Variants in MTHFD1L observed in about 807,000 individuals in gnomAD.
MTHFD1L encodes the protein methylenetetrahydrofolate dehydrogenase (NADP+ dependent) 1 like, also known as monofunctional C1-tetrahydrofolate synthase, mitochondrial.
In MTHFD1L, 81 loss-of-function variants were observed where a neutral mutation model predicts 119.5. The observed-to-expected ratio is 0.68, with a 90% CI of 0.57 to 0.82. The LOEUF is 0.82. Among genes scored for constraint, MTHFD1L ranks in the 40% least tolerant of loss-of-function variants. The pLI, the probability that MTHFD1L is intolerant of heterozygous loss-of-function variation, is 0.00. For missense variants in MTHFD1L, 1,125 were observed against 1,253.4 expected (o/e 0.90, Z 1.55); for synonymous variants, 430 against 475.2 (o/e 0.90, Z 1.24).
intron 26 of MTHFD1L, among the ~76,000 whole-genome samples, chr6:151,059,212 G>T (rs1424592926): frequency 1.3e-5 from 2 of 149,014 alleles, no homozygotes; most frequent in Non-Finnish European, 3.0e-5. Flanking sequence ...TGGTGGTGGT[G>T]GTTGTGGTGG....
intron 27 of MTHFD1L, chr6:151,100,059 A>G: frequency 5.1e-6 from 3 of 589,588 alleles, no homozygotes; most frequent in Non-Finnish European, 8.7e-6. Flanking sequence ...TTTGAGACGC[A>G]GTCTCGCTCT....
chr6:150,918,467 C>T, intron 8 of MTHFD1L, 110 bp from the exon 9 acceptor site: 3 of 810,606 alleles, frequency 3.7e-6, no homozygotes, highest in Non-Finnish European at 4.2e-6. Flanking sequence ...ATCCTAACTT[C>T]CTTGGTGAAA....
chr6:150,916,295 T>C (rs1248796427), intron 8 of MTHFD1L, among the ~76,000 whole-genome samples: 1 of 116,660 alleles, frequency 8.6e-6, no homozygotes, highest in African/African-American at 3.3e-5. Flanking sequence ...GTAGAATCTT[T>C]TTTTTTTTTT....
intron 20 of MTHFD1L, among the ~76,000 whole-genome samples, chr6:150,985,528 G>A (rs1019903085): frequency 1.3e-5 from 2 of 151,962 alleles, no homozygotes; most frequent in African/African-American, 2.4e-5. Flanking sequence ...GGGCTTGGTA[G>A]CATGCATTTG....
rs1428137125 is a variant in MTHFD1L, at chr6:151,031,990, GTTCT to G, written c.2587-2497_2587-2494del. On this transcript the variant is annotated intron_variant, in intron 24 of 27. Transcript: ENST00000367321. ...CTGCACATGCTGAGTGTCTTTGTGGGTTCTTTCTTCTTTTCCGTTGATTAATTTG... is the reference window on the plus strand; with the variant it reads ...CTGCACATGCTGAGTGTCTTTGTGGGTTCTTCTTTTCCGTTGATTAATTTG... 3.3e-5 allele frequency among the ~76,000 whole-genome samples: 5 copies of G among 152,248 alleles called. No homozygotes were observed. The East Asian group carries it at 7.7e-4, about 24-fold the overall frequency.
intron 24 of MTHFD1L, among the ~76,000 whole-genome samples, chr6:151,034,268 A>T (rs1200028857): frequency 3.3e-5 from 5 of 152,044 alleles, no homozygotes; most frequent in Non-Finnish European, 1.5e-5. Context: ...CTGAACACCT[A>T]AGACTTATTT....
At chr6:151,042,782 AATTAGACAGTGTT>A (rs1229932145) in intron 26 of MTHFD1L, among the ~76,000 whole-genome samples, 4 of 152,234 alleles carry the variant, frequency 2.6e-5, no homozygotes, top group African/African-American at 4.8e-5. Flanking sequence ...CAAAACCTTA[AATTAGACAGTGTT>A]ATTATGAGTA....
chr6:151,068,843 G>A (rs1196635852), intron 26 of MTHFD1L, among the ~76,000 whole-genome samples: 2 of 152,222 alleles, frequency 1.3e-5, no homozygotes, highest in Non-Finnish European at 2.9e-5. Flanking sequence ...ATTCATTGGA[G>A]GACTCATCAA....
chr6:150,866,688 G>T, intron 1 of MTHFD1L: 1 of 1,161,426 alleles, frequency 8.6e-7, no homozygotes, highest in Non-Finnish European at 1.1e-6. Flanking sequence ...AGGTCTCAGC[G>T]CTGGTTTCCA....
chr6:151,041,628 G>A (rs143434540), intron 26 of MTHFD1L: 26 of 351,032 alleles, frequency 7.4e-5, no homozygotes, highest in East Asian at 3.9e-4. Context: ...CCTACAGCAC[G>A]CAGGGCCATC....
At chr6:151,025,810 C>T (rs1259981991) in intron 24 of MTHFD1L, among the ~76,000 whole-genome samples, 2 of 152,198 alleles carry the variant, frequency 1.3e-5, no homozygotes, top group African/African-American at 2.4e-5. Flanking sequence ...TACTTCACAA[C>T]AGTGGGGCCT....
At chr6:150,991,310 A>G (rs1030680250) in intron 20 of MTHFD1L, among the ~76,000 whole-genome samples, 1 of 151,978 alleles carries the variant, frequency 6.6e-6, no homozygotes, top group Non-Finnish European at 1.5e-5. Flanking sequence ...AGTAAAAAGA[A>G]TAGATAAATG....
At chr6:151,079,567 G>C (rs1208495460) in intron 26 of MTHFD1L, among the ~76,000 whole-genome samples, 2 of 151,976 alleles carry the variant, frequency 1.3e-5, no homozygotes, top group East Asian at 3.9e-4. Context: ...TCGGCTCACC[G>C]CAACCTCCGC....
chr6:151,090,883 G>A (rs561008213), intron 26 of MTHFD1L, among the ~76,000 whole-genome samples: 1 of 133,826 alleles, frequency 7.5e-6, no homozygotes, highest in South Asian at 2.5e-4. Flanking sequence ...CATGCGACTG[G>A]GTGCAGCATT....
At chr6:150,866,669 G>C (rs1244718869) in intron 1 of MTHFD1L, 1 of 1,181,896 alleles carries the variant, frequency 8.5e-7, no homozygotes, top group Non-Finnish European at 1.0e-6. Context: ...CCGCCGGGGG[G>C]AATCCGAGAG....
chr6:151,091,193 CGTTCCATGCGACTGGGTGCAGCATT>C lies in MTHFD1L; in HGVS notation c.2848-1272_2848-1248del, dbSNP rs1562652079. Reference sequence around the variant, plus strand: ...CGTTCCATGCGACTGGGTGCAGCATCGTTCCATGCGACTGGGTGCAGCATTGCCCCATGTGACTGGGTGCAGCATC... The same window carrying C: ...CGTTCCATGCGACTGGGTGCAGCATCGCCCCATGTGACTGGGTGCAGCATC... On this transcript the variant is annotated intron_variant, in intron 26 of 27. Transcript: ENST00000367321. Among the ~76,000 whole-genome samples, 13 of 109,694 alleles carry C rather than the reference CGTTCCATGCGACTGGGTGCAGCATT, an allele frequency of 1.2e-4. 1 individual carries two copies. Among genetic ancestry groups the C allele is most frequent in the South Asian group, 1.2e-3 (4 of 3,436 alleles). The allele number at this position is 109,694 out of a possible 152,430, so 72.0% of individuals were successfully genotyped here.
intron 26 of MTHFD1L, among the ~76,000 whole-genome samples, chr6:151,091,625 T>G (rs1794457970): frequency 1.3e-5 from 2 of 152,124 alleles, no homozygotes; most frequent in Non-Finnish European, 2.9e-5. Flanking sequence ...ATCCGTAAAG[T>G]AAGGCTAAAA....
At chr6:151,054,055 T>C (rs975480192) in intron 26 of MTHFD1L, among the ~76,000 whole-genome samples, 2 of 152,152 alleles carry the variant, frequency 1.3e-5, no homozygotes, top group African/African-American at 4.8e-5. Flanking sequence ...TGCTCCTATT[T>C]TGAGATGGAA....
intron 21 of MTHFD1L, among the ~76,000 whole-genome samples, chr6:151,012,318 C>T (rs916608905): frequency 6.6e-5 from 10 of 151,760 alleles, no homozygotes; most frequent in Non-Finnish European, 1.3e-4. Flanking sequence ...TCTCGGTGTC[C>T]TTCCTTCATA....
Sources: allele counts gnomAD v4.1 joint callset (sites outside exome capture counted in the v4.1 genomes callset), GRCh38; gene constraint gnomAD v4.1.1; transcripts MANE v1.5; gene names NCBI Gene and HGNC (gene_info 2026-07-23, HGNC 2026-07-21).